The following LPA variants were observed in gnomAD, a reference collection of about 807,000 sequenced individuals.
LPA encodes the protein lipoprotein(a), also known as apolipoprotein(a).
A neutral mutation model predicts 197.9 loss-of-function variants in LPA; 199 were observed. The ratio of observed to expected loss-of-function variants is 1.01; its 90% CI spans 0.90 to 1.13. LPA has a LOEUF of 1.13. Ranked by LOEUF, LPA falls within the 50% of genes most tolerant of loss-of-function variation. The probability of loss-of-function intolerance (pLI) is 0.00; values close to 1 mark genes in which losing one functional copy is unlikely to be tolerated. For missense variants in LPA, 1,853 were observed against 1,785.8 expected, an observed-to-expected ratio of 1.04 and a Z score of -0.68; for synonymous variants, 715 against 639.5, an observed-to-expected ratio of 1.12 and a Z score of -1.78.
intron 28 of LPA, among the ~76,000 whole-genome samples, chr6:160,570,016 AAC>A (rs2115023466): frequency 6.6e-6 from 1 of 152,352 alleles, no homozygotes; most frequent in African/African-American, 2.4e-5. Context: ...GAGAAATAGG[AAC>A]ATTTTTACAC....
rs190068306 is a variant in LPA, at chr6:160,565,248, G to A, written c.4632-7677C>T. ...CCTCAAGTGGGTCCGTGACCCCCGA[G>A]TAGCCTAACTGGGGGACACCTCCCA... is the stretch of plus-strand genomic sequence containing the variant. On this transcript the variant is annotated intron_variant, in intron 28 of 38. Transcript: ENST00000316300. Among the ~76,000 whole-genome samples, 1,254 of 152,306 alleles carry A rather than the reference G, an allele frequency of 8.2e-3. 23 individuals carry two copies. Among genetic ancestry groups the A allele is most frequent in the African/African-American group, 0.029 (1,213 of 41,564 alleles).
intron 20 of LPA, among the ~76,000 whole-genome samples, chr6:160,596,128 T>C (rs903987132): frequency 2.0e-5 from 3 of 152,238 alleles, no homozygotes; most frequent in African/African-American, 7.2e-5. Flanking sequence ...CACATACAAT[T>C]GTTCTCAAAA....
At chr6:160,585,649 C>T (rs954598955) in intron 25 of LPA, among the ~76,000 whole-genome samples, 1 of 152,010 alleles carries the variant, frequency 6.6e-6, no homozygotes, top group African/African-American at 2.4e-5. Context: ...AAAGCAAAAG[C>T]CTTCAGATTC....
chr6:160,542,573 A>C, intron 34 of LPA, 115 bp downstream of exon 34: 1 of 1,488,294 alleles, frequency 6.7e-7, no homozygotes, highest in African/African-American at 1.4e-5. Context: ...CCTCCTTCAG[A>C]AAACAGAGAG....
intron 4 of LPA, among the ~76,000 whole-genome samples, chr6:160,643,099 T>G (rs1166216025): frequency 9.3e-5 from 14 of 149,904 alleles, no homozygotes; most frequent in African/African-American, 3.4e-4. Flanking sequence ...TGTGTGTGTG[T>G]GTGTGTGTGT....
At chr6:160,660,885 T>C (rs767085610) in intron 1 of LPA, among the ~76,000 whole-genome samples, 3 of 152,186 alleles carry the variant, frequency 2.0e-5, no homozygotes, top group Admixed American at 6.5e-5. Flanking sequence ...AAGGTGTTGA[T>C]AGGCATCCAG....
rs777129231 is a variant in LPA at position 160,542,678 on chromosome 6, C to T, written c.5519+10G>A. 21 of 1,612,678 alleles carry T rather than the reference C, an allele frequency of 1.3e-5. No individual in the cohort carries two copies. Among genetic ancestry groups the T allele is most frequent in the Non-Finnish European group, 1.6e-5 (19 of 1,179,870 alleles). Reference sequence around the variant, plus strand: ...AGGACAGTATAGATGGTTTCTGGGCCTGTTCTTACCTTGTTCTGAGACTGA... The same window carrying T: ...AGGACAGTATAGATGGTTTCTGGGCTTGTTCTTACCTTGTTCTGAGACTGA... On this transcript the variant is annotated intron_variant, in intron 34 of 38. Coordinates refer to ENST00000316300, the MANE Select transcript of LPA (RefSeq NM_005577.4).
At chr6:160,549,276 C>T (rs1356016521) in intron 30 of LPA, among the ~76,000 whole-genome samples, 1 of 152,156 alleles carries the variant, frequency 6.6e-6, no homozygotes, top group Admixed American at 6.5e-5. Flanking sequence ...CAAACCCTAT[C>T]AATGCTCCAT....
chr6:160,557,367 A>G (rs1778281444), intron 29 of LPA, 23 bp downstream of exon 29: 4 of 1,613,460 alleles, frequency 2.5e-6, no homozygotes, highest in Non-Finnish European at 3.4e-6. Flanking sequence ...AAATGTGTAG[A>G]TATCTGGCCA....
intron 30 of LPA, among the ~76,000 whole-genome samples, chr6:160,555,381 G>A (rs1302404972): frequency 4.4e-5 from 6 of 137,466 alleles, no homozygotes; most frequent in Non-Finnish European, 7.7e-5. Flanking sequence ...CAGGCTATAG[G>A]GTATTTGGTC....
chr6:160,594,115 G>A lies in LPA; in HGVS notation c.3472C>T (p.Pro1158Ser). 1 of 1,613,818 alleles carries A rather than the reference G, an allele frequency of 6.2e-7. No individual in the cohort carries two copies. The highest frequency in any genetic ancestry group is 8.5e-7 in the Non-Finnish European group (1 of 1,179,800). The change falls in exon 22 of 39, where the codon CCA (proline) becomes TCA (serine). Residue 1158 changes from proline to serine, a missense_variant and splice_region_variant. Coordinates refer to ENST00000316300, the MANE Select transcript of LPA (RefSeq NM_005577.4). ...TGGACCCCGGGGCTTTGCTCCGTTG[G>A]TGCTGAAATTCAAAGAGGAGAAATC... ...PSTEASSEEA[P>S]TEQSPGVQDC...
intron 15 of LPA, 51 bp from the exon 16 acceptor site, chr6:160,611,772 T>C (rs1029811079): frequency 2.4e-6 from 3 of 1,272,920 alleles, no homozygotes; most frequent in South Asian, 1.3e-5. Flanking sequence ...AATAACGAAA[T>C]ATGTGAAGCC....
intron 28 of LPA, among the ~76,000 whole-genome samples, chr6:160,576,688 G>GTATATATATATA (rs1414636286): frequency 3.5e-5 from 2 of 57,942 alleles, no homozygotes; most frequent in African/African-American, 1.2e-4. Context: ...GTGTGTGTGT[G>GTATATATATATA]TGTATATATA....
chr6:160,566,399 T>C (rs977542428), intron 28 of LPA, among the ~76,000 whole-genome samples: 4 of 152,156 alleles, frequency 2.6e-5, no homozygotes, highest in Non-Finnish European at 5.9e-5. Flanking sequence ...CTAAGCTTCA[T>C]AAGTGAAGGA....
chr6:160,577,227 A>C lies in LPA; in HGVS notation c.4540T>G (p.Ser1514Ala). 6.2e-7 allele frequency: 1 copy of C among 1,613,894 alleles called. No individual in the cohort carries two copies. Among genetic ancestry groups the C allele is most frequent in the Non-Finnish European group, 8.5e-7 (1 of 1,179,842 alleles). Residue 1514 changes from serine to alanine, a missense_variant, in exon 28 of 39, where the codon TCC becomes GCC. Physicochemically the swap from Ser to Ala is moderately conservative, Grantham distance 99. This residue lies in a region of LPA where 1,737 missense variants were observed against 1,504.4 expected (regional missense o/e 1.15). Coordinates refer to ENST00000316300, the MANE Select transcript of LPA (RefSeq NM_005577.4). The part of the protein sequence containing the change: ...HGDGRSYRGI[S>A]STTVTGRTCQ... ...GTCCTTCCTGTGACAGTGGTGGAGG[A>C]TATGCCTCGATAACTCCGTCCATCA...
rs764320447 is a variant in LPA, at chr6:160,586,540, G to A, written c.4038C>T (p.Cys1346=). Reference sequence around the variant, plus strand: ...CCATCACTGGACATTGCGTCAGGTTGCAGTACTCCCATCTGACACTGGGAT... The same window carrying A: ...CCATCACTGGACATTGCGTCAGGTTACAGTACTCCCATCTGACACTGGGAT... ...TMDPSVRWEY[C]NLTQCPVMES... Residue 1346 remains cysteine, a synonymous_variant, in exon 25 of 39, where the codon TGC becomes TGT. Coordinates refer to ENST00000316300, the MANE Select transcript of LPA (RefSeq NM_005577.4). 24 of 1,613,690 alleles carry A rather than the reference G, an allele frequency of 1.5e-5. No individual in the cohort carries two copies. Among genetic ancestry groups the A allele is most frequent in the Non-Finnish European group, 1.9e-5 (22 of 1,179,802 alleles).
At chr6:160,562,469 C>G (rs990221558) in intron 28 of LPA, among the ~76,000 whole-genome samples, 1 of 152,236 alleles carries the variant, frequency 6.6e-6, no homozygotes, top group African/African-American at 2.4e-5. Context: ...ATTCAGTTTG[C>G]CAGTATTTTA....
chr6:160,589,525 T>C lies in LPA; in HGVS notation c.3947+28A>G, dbSNP rs199913080. The C allele has an allele frequency of 3.8e-5, 61 of 1,612,060 alleles. No individual in the cohort carries two copies. The African/African-American group carries it at 7.2e-4, about 19-fold the overall frequency. On this transcript the variant is annotated intron_variant, in intron 24 of 38. Transcript: ENST00000316300. ...GGAGAAATTTAAGTGGGTGGCTGTTTCTCTTGGGAGAAAACTCAAAGACAT... is the reference window on the plus strand; with the variant it reads ...GGAGAAATTTAAGTGGGTGGCTGTTCCTCTTGGGAGAAAACTCAAAGACAT...
chr6:160,594,695 T>C (rs1261918258), intron 21 of LPA, among the ~76,000 whole-genome samples: 5 of 152,162 alleles, frequency 3.3e-5, no homozygotes, highest in Admixed American at 2.6e-4. Flanking sequence ...GATTCTGCAT[T>C]GCAACAAAGT....
Sources: allele counts gnomAD v4.1 joint callset (sites outside exome capture counted in the v4.1 genomes callset), GRCh38; gene constraint gnomAD v4.1.1; regional missense constraint gnomAD v4.1.1; transcripts MANE v1.5; gene names NCBI Gene and HGNC (gene_info 2026-07-23, HGNC 2026-07-21).